CFH: variants seen among roughly 807,000 people sequenced by gnomAD.
CFH encodes complement factor H, also known as H factor 1 (complement).
CFH carries 53 observed loss-of-function variants against 147.3 expected under a neutral mutation model. The observed-to-expected ratio is 0.36, with a 90% CI of 0.29 to 0.45. The LOEUF (loss-of-function observed/expected upper bound fraction) is 0.45. CFH is among the 20% of genes least tolerant of loss of function. CFH has a pLI of 1.00. For missense variants in CFH, 1,380 were observed against 1,498.0 expected, an observed-to-expected ratio of 0.92 and a Z score of 1.30; for synonymous variants, 536 against 489.4, an observed-to-expected ratio of 1.10 and a Z score of -1.26.
chr1:196,722,525 C>T (rs572842616), intron 11 of CFH, among the ~76,000 whole-genome samples: 5 of 152,110 alleles, frequency 3.3e-5, no homozygotes, highest in Non-Finnish European at 7.4e-5. Context: ...TAATTTTTCC[C>T]GTTCACATTG....
intron 19 of CFH, 33 bp downstream of exon 19, chr1:196,742,084 T>C (rs368026369): frequency 1.9e-6 from 3 of 1,606,658 alleles, no homozygotes; most frequent in Non-Finnish European, 2.6e-6. Flanking sequence ...TTTATTTATA[T>C]AATGTGTGGG....
intron 18 of CFH, 198 bp downstream of exon 18, chr1:196,740,990 C>G: frequency 1.7e-6 from 1 of 589,870 alleles, no homozygotes; most frequent in Non-Finnish European, 3.0e-6. Flanking sequence ...TTCACATCAT[C>G]TTGTGTGAAC....
At chr1:196,712,695 C>A (rs1449398715) in intron 9 of CFH, among the ~76,000 whole-genome samples, 2 of 151,046 alleles carry the variant, frequency 1.3e-5, no homozygotes, top group Non-Finnish European at 3.0e-5. Context: ...ATACATGTGC[C>A]ATGCTGGTGT....
intron 5 of CFH, chr1:196,678,856 G>T (rs1005102479): frequency 2.0e-5 from 3 of 152,028 alleles, no homozygotes; most frequent in African/African-American, 7.2e-5. Context: ...ATGCAAGTAG[G>T]GAACGAGTCA....
intron 8 of CFH, 68 bp downstream of exon 8, chr1:196,689,682 T>TAAG (rs1667957989): frequency 6.5e-7 from 1 of 1,534,232 alleles, no homozygotes; most frequent in Non-Finnish European, 9.0e-7. Flanking sequence ...GGAGAGCACA[T>TAAG]AAGTGATTAC....
At chr1:196,719,596 T>A (rs1296181159) in intron 11 of CFH, among the ~76,000 whole-genome samples, 1 of 151,882 alleles carries the variant, frequency 6.6e-6, no homozygotes, top group South Asian at 2.1e-4. Context: ...TTTAGTATGA[T>A]TCTAATTTAT....
chr1:196,725,406 G>A (rs900455341), intron 12 of CFH, 109 bp downstream of exon 12: 1 of 1,062,478 alleles, frequency 9.4e-7, no homozygotes. Context: ...AATGAATTAA[G>A]TCAAATATTT....
Position 196,684,923 on chromosome 1 carries a change from T to G in CFH, c.791-141T>G, listed in dbSNP as rs1667774632. On this transcript the variant is annotated intron_variant, in intron 6 of 21. Transcript: ENST00000367429. ...AAAATAAGTGATATACCAGAAAGGATACTATGATATGTTCATTTTAATGCC... is the reference window on the plus strand; with the variant it reads ...AAAATAAGTGATATACCAGAAAGGAGACTATGATATGTTCATTTTAATGCC... 9 of 674,246 alleles carry G rather than the reference T, an allele frequency of 1.3e-5. 1 individual carries two copies. The South Asian group carries it at 1.6e-4, about 12-fold the overall frequency. 41.8% of individuals were successfully genotyped at this position (674,246 alleles called of 1,614,324 possible). A position where few individuals can be genotyped will look rare whatever the true frequency, so the allele number is the denominator to read the frequency against.
chr1:196,739,477 G>T (rs1400715283), intron 17 of CFH, among the ~76,000 whole-genome samples: 1 of 152,148 alleles, frequency 6.6e-6, no homozygotes, highest in Non-Finnish European at 1.5e-5. Context: ...CTAAGGCAGG[G>T]CAATATGCCA....
chr1:196,692,652 C>T (rs1250288859), intron 9 of CFH, among the ~76,000 whole-genome samples: 4 of 135,130 alleles, frequency 3.0e-5, no homozygotes, highest in Non-Finnish European at 6.3e-5. Flanking sequence ...TCTTTGTCTA[C>T]GTTTCTCCTT....
intron 6 of CFH, among the ~76,000 whole-genome samples, chr1:196,684,705 A>C (rs1667766183): frequency 6.6e-6 from 1 of 152,062 alleles, no homozygotes; most frequent in African/African-American, 2.4e-5. Context: ...AGAAACACTG[A>C]ATATTTGTAA....
chr1:196,730,419 C>T (rs1300148266), intron 15 of CFH, among the ~76,000 whole-genome samples: 1 of 151,792 alleles, frequency 6.6e-6, no homozygotes, highest in African/African-American at 2.4e-5. Context: ...TTTCTCATTT[C>T]ATACCTTTGT....
intron 1 of CFH, among the ~76,000 whole-genome samples, chr1:196,670,114 A>T (rs577925634): frequency 5.3e-5 from 8 of 152,210 alleles, no homozygotes; most frequent in African/African-American, 1.9e-4. Flanking sequence ...AATTCATCCC[A>T]TTTGGGATGG....
chr1:196,700,749 T>C, intron 9 of CFH: 1 of 886,950 alleles, frequency 1.1e-6, no homozygotes, highest in Non-Finnish European at 1.4e-6. Context: ...CCACTGGGGC[T>C]GACCCAGAGA....
At chr1:196,660,392 G>A (rs749082303) in intron 1 of CFH, among the ~76,000 whole-genome samples, 12 of 152,162 alleles carry the variant, frequency 7.9e-5, no homozygotes, top group Non-Finnish European at 1.5e-4. Context: ...TAGCAATGCT[G>A]GATAAGTAAA....
At chr1:196,683,429 G>T (rs1163314852) in intron 6 of CFH, among the ~76,000 whole-genome samples, 1 of 151,694 alleles carries the variant, frequency 6.6e-6, no homozygotes, top group Non-Finnish European at 1.5e-5. Flanking sequence ...AGGTAGTAGT[G>T]AGTTAAAGAA....
chr1:196,714,302 G>T (rs1668794139), intron 10 of CFH, among the ~76,000 whole-genome samples: 1 of 151,674 alleles, frequency 6.6e-6, no homozygotes, highest in Admixed American at 6.6e-5. Context: ...TGAAGATATG[G>T]ATGCCTAGTG....
At chr1:196,662,768 G>A (rs1666950540) in intron 1 of CFH, among the ~76,000 whole-genome samples, 1 of 152,002 alleles carries the variant, frequency 6.6e-6, no homozygotes, top group African/African-American at 2.4e-5. Flanking sequence ...TGTAGTCACA[G>A]CTACTTGGGG....
At position 196,690,250 on chromosome 1, in the gene CFH, T is replaced by C; in HGVS notation, c.1336+11T>C. Reference sequence around the variant, plus strand: ...GATGCATCCGTGTCAGTAAGTACACTACTCTGAAATCCTAGCATGTTCATG... The same window carrying C: ...GATGCATCCGTGTCAGTAAGTACACCACTCTGAAATCCTAGCATGTTCATG... On this transcript the variant is annotated intron_variant, in intron 9 of 21. Transcript: ENST00000367429. 1 of 1,612,766 alleles carries C rather than the reference T, an allele frequency of 6.2e-7. No homozygotes were observed. The highest frequency in any genetic ancestry group is 8.5e-7 in the Non-Finnish European group (1 of 1,179,094).
Sources: gnomAD v4.1 joint callset for allele counts (sites outside exome capture counted in the v4.1 genomes callset) on GRCh38, gnomAD v4.1.1 for gene constraint, MANE v1.5 for transcripts, NCBI Gene and HGNC (gene_info 2026-07-23, HGNC 2026-07-21) for gene names.